FH: variants seen among roughly 807,000 people sequenced by gnomAD.
FH encodes the protein fumarate hydratase, mitochondrial.
FH carries 22 observed loss-of-function variants against 49.4 expected under a neutral mutation model. The ratio of observed to expected loss-of-function variants is 0.45; its 90% CI spans 0.32 to 0.64. FH has a LOEUF of 0.64. FH is among the 30% of genes least tolerant of loss of function. The pLI is 0.05. For missense variants in FH, 526 were observed against 641.5 expected (o/e 0.82, Z 1.95); for synonymous variants, 208 against 223.0 (o/e 0.93, Z 0.60).
intron 4 of FH, among the ~76,000 whole-genome samples, chr1:241,511,565 T>A (rs1367164918): frequency 6.6e-6 from 1 of 151,966 alleles, no homozygotes; most frequent in Non-Finnish European, 1.5e-5. Flanking sequence ...GTTTTTTTTT[T>A]AAAGTCTGTT....
intron 4 of FH, among the ~76,000 whole-genome samples, chr1:241,509,209 T>C (rs1202318113): frequency 6.6e-6 from 1 of 151,774 alleles, no homozygotes; most frequent in East Asian, 1.9e-4. Context: ...TATAATTATA[T>C]CAAATTACAT....
Position 241,506,354 on chromosome 1 carries a change from A to C in FH, c.739-186T>G, listed in dbSNP as rs565377099. Among the ~76,000 whole-genome samples, 3 of 152,370 alleles carry C rather than the reference A, an allele frequency of 2.0e-5. No homozygotes were observed. The South Asian group carries it at 6.2e-4, about 32-fold the overall frequency. Reference sequence around the variant, plus strand: ...AGTATAGGGAAGGATGAGGGTTTATAGAACCATAAGGTACGACAATGCCAC... The same window carrying C: ...AGTATAGGGAAGGATGAGGGTTTATCGAACCATAAGGTACGACAATGCCAC... On this transcript the variant is annotated intron_variant, in intron 5 of 9. Coordinates refer to ENST00000366560, the MANE Select transcript of FH (RefSeq NM_000143.4).
In FH at chr1:241,506,102, T is replaced by C. The variant is rs377015873; in HGVS notation, c.805A>G (p.Ile269Val). Residue 269 changes from isoleucine to valine, a missense_variant, in exon 6 of 10, where the codon ATC (isoleucine) becomes GTC (valine). By Grantham distance (29) the Ile-to-Val change is conservative. Coordinates refer to ENST00000366560, the MANE Select transcript of FH (RefSeq NM_000143.4). ...GTGCCTCCAGCTGCGAGCTCATAGATTCTTGGCATGGCAGCTTTTATTCTT... is the reference window on the plus strand; with the variant it reads ...GTGCCTCCAGCTGCGAGCTCATAGACTCTTGGCATGGCAGCTTTTATTCTT... Reference protein sequence around the residue: ...MTRIKAAMPRIYELAAGGTAV... With the variant: ...MTRIKAAMPRVYELAAGGTAV... 5 of 1,613,946 alleles carry C rather than the reference T, an allele frequency of 3.1e-6. No individual in the cohort carries two copies. In the African/African-American group the frequency reaches 4.0e-5, roughly 13 times the overall value.
chr1:241,515,155 G>A (rs1338863905), intron 2 of FH, among the ~76,000 whole-genome samples: 1 of 152,114 alleles, frequency 6.6e-6, no homozygotes, highest in African/African-American at 2.4e-5. Flanking sequence ...AAAAAGGGTT[G>A]AGTTTAATCA....
Position 241,508,924 on chromosome 1 carries a change from G to C in FH, c.556-139C>G, listed in dbSNP as rs538275318. ...GCTCAGTTACATGTATGTGTGGCATGTCATAGGTGAGTTATTATAGAATCA... is the reference window on the plus strand; with the variant it reads ...GCTCAGTTACATGTATGTGTGGCATCTCATAGGTGAGTTATTATAGAATCA... On this transcript the variant is annotated intron_variant, in intron 4 of 9. Transcript: ENST00000366560. The C allele has an allele frequency of 7.8e-4, 522 of 665,206 alleles. 1 individual carries two copies. Among genetic ancestry groups the C allele is most frequent in the African/African-American group, 6.4e-3 (352 of 55,176 alleles). 41.2% of individuals were successfully genotyped at this position (665,206 alleles called of 1,614,324 possible).
At chr1:241,498,078 T>A in intron 9 of FH, 108 bp from the exon 10 acceptor site, 1 of 1,040,524 alleles carries the variant, frequency 9.6e-7, no homozygotes. Flanking sequence ...ATGGGCCTCT[T>A]AAATGACATT....
At chr1:241,513,832 G>T in intron 2 of FH, 119 bp from the exon 3 acceptor site, 5 of 738,584 alleles carry the variant, frequency 6.8e-6, no homozygotes, top group Admixed American at 4.5e-5. Flanking sequence ...TAACACTATA[G>T]CTCTAAAATG....
At chr1:241,503,992 C>G (rs772180108) in intron 7 of FH, 50 bp downstream of exon 7, 5 of 1,538,958 alleles carry the variant, frequency 3.2e-6, no homozygotes, top group Non-Finnish European at 4.5e-6. Flanking sequence ...CTAAGAATGC[C>G]TAGGACCTAG....
intron 2 of FH, among the ~76,000 whole-genome samples, chr1:241,514,886 C>T (rs530444983): frequency 3.9e-5 from 6 of 152,324 alleles, no homozygotes; most frequent in Admixed American, 1.3e-4. Context: ...GTAACAAACA[C>T]TGAGGTAGTG....
intron 4 of FH, among the ~76,000 whole-genome samples, chr1:241,509,722 G>A (rs1387670820): frequency 1.3e-5 from 2 of 151,814 alleles, no homozygotes; most frequent in African/African-American, 4.8e-5. Context: ...GCTGCAGTGA[G>A]CTATGCTCAC....
rs56361117 is a variant in FH, at chr1:241,498,694, C to CAT, written c.1391-726_1391-725dup. ...AGGGCAGTTCTGCAAGCTGTCTTAA[C>CAT]ATATATATATATATATATATATATA... On this transcript the variant is annotated intron_variant, in intron 9 of 9. Transcript: ENST00000366560. 6.6e-3 allele frequency among the ~76,000 whole-genome samples: 348 copies of CAT among 53,066 alleles called. 11 individuals carry two copies. Among genetic ancestry groups the CAT allele is most frequent in the African/African-American group, 8.1e-3 (111 of 13,716 alleles). The allele number at this position is 53,066 out of a possible 152,430, so 34.8% of individuals were successfully genotyped here. A position where few individuals can be genotyped will look rare whatever the true frequency, so the allele number is the denominator to read the frequency against.
intron 6 of FH, among the ~76,000 whole-genome samples, chr1:241,505,588 A>C (rs1343426870): frequency 6.6e-6 from 1 of 152,202 alleles, no homozygotes; most frequent in African/African-American, 2.4e-5. Context: ...ATGGTTCAAA[A>C]AGGTCAATAA....
chr1:241,509,501 C>G (rs1055221963), intron 4 of FH, among the ~76,000 whole-genome samples: 1 of 152,164 alleles, frequency 6.6e-6, no homozygotes, highest in Admixed American at 6.5e-5. Flanking sequence ...AAGCTGGGTG[C>G]AGTGGCTCAT....
chr1:241,513,779 G>C, intron 2 of FH, 66 bp from the exon 3 acceptor site: 1 of 1,301,738 alleles, frequency 7.7e-7, no homozygotes, highest in Middle Eastern at 1.9e-4. Context: ...TTATTATTTT[G>C]GCAGATGCAA....
rs369802820 is a variant in FH at position 241,497,940 on chromosome 1, G to C, written c.1421C>G (p.Thr474Arg). The C allele has an allele frequency of 2.7e-5, 43 of 1,613,804 alleles. No homozygotes were observed. The East Asian group carries it at 8.5e-4, about 32-fold the overall frequency. Residue 474 changes from threonine (T) to arginine (R), a missense_variant, in exon 10 of 10, where the codon ACA becomes AGA. This residue lies in a region of FH where 383 missense variants were observed against 514.0 expected (regional missense o/e 0.75). Coordinates refer to ENST00000366560, the MANE Select transcript of FH (RefSeq NM_000143.4). ...TAAGGTTGATCCATTTTTGTGTGCT[G>C]TCTTAGCAATCTTTGCTGCCTTGTC... ...GYDKAAKIAKTAHKNGSTLKE... is the reference protein window; with the variant it reads ...GYDKAAKIAKRAHKNGSTLKE...
At chr1:241,507,941 C>T (rs1313497340) in intron 5 of FH, among the ~76,000 whole-genome samples, 1 of 152,156 alleles carries the variant, frequency 6.6e-6, no homozygotes, top group Non-Finnish European at 1.5e-5. Context: ...ACATTTCCTT[C>T]ACAATGTATA....
intron 2 of FH, among the ~76,000 whole-genome samples, chr1:241,514,195 T>A (rs551020724): frequency 7.9e-5 from 12 of 152,324 alleles, no homozygotes; most frequent in African/African-American, 2.6e-4. Flanking sequence ...TATATTTAAC[T>A]GCCAATCAGT....
Position 241,506,119 on chromosome 1 carries a change from T to G in FH, c.788A>C (p.Lys263Thr), listed in dbSNP as rs765997824. Residue 263 changes from lysine to threonine, a missense_variant, in exon 6 of 10, where the codon AAA becomes ACA. By Grantham distance (78) the Lys-to-Thr change is moderately conservative (BLOSUM62 -1). Transcript: ENST00000366560. ...CTCATAGATTCTTGGCATGGCAGCT[T>G]TTATTCTTGTCATTGCATATTTTAC... ...QQVKYAMTRI[K>T]AAMPRIYELA... 3 of 1,613,952 alleles carry G rather than the reference T, an allele frequency of 1.9e-6. No homozygotes were observed. In the Admixed American group the frequency reaches 5.0e-5, roughly 27 times the overall value.
Position 241,517,295 on chromosome 1 carries a change from T to A in FH, c.154A>T (p.Ile52Leu), listed in dbSNP as rs543844061. 6.8e-6 allele frequency: 11 copies of A among 1,614,076 alleles called. No individual in the cohort carries two copies. Among genetic ancestry groups the A allele is most frequent in the Middle Eastern group, 1.6e-4 (1 of 6,062 alleles). ...ARMASQNSFR[I>L]EYDTFGELKV... ...AGTTCACCAAAGGTATCATATTCTA[T>A]CCGGAAGGAATTTTGGCTTGCCTAA... Residue 52 changes from isoleucine (I) to leucine (L), a missense_variant, in exon 2 of 10, where the codon ATA becomes TTA. Physicochemically the swap from Ile to Leu is conservative, Grantham distance 5. Transcript: ENST00000366560.
Sources: gnomAD v4.1 joint callset for allele counts (sites outside exome capture counted in the v4.1 genomes callset) on GRCh38, gnomAD v4.1.1 for gene constraint, gnomAD v4.1.1 regional missense constraint, MANE v1.5 for transcripts, NCBI Gene and HGNC (gene_info 2026-07-23, HGNC 2026-07-21) for gene names.